The following GMPR variants were observed in gnomAD, a reference collection of about 807,000 sequenced individuals.
GMPR encodes the protein GMP reductase 1.
In GMPR, 31 loss-of-function variants were observed where a neutral mutation model predicts 38.4. The ratio of observed to expected loss-of-function variants is 0.81; its 90% CI spans 0.61 to 1.09. The LOEUF is 1.09. Among genes scored for constraint, GMPR ranks in the 50% least tolerant of loss-of-function variants. The probability of loss-of-function intolerance (pLI) is 0.00; values close to 1 mark genes in which losing one functional copy is unlikely to be tolerated. For missense variants in GMPR, 468 were observed against 453.7 expected, an observed-to-expected ratio of 1.03 and a Z score of -0.29; for synonymous variants, 162 against 173.3, an observed-to-expected ratio of 0.93 and a Z score of 0.51.
intron 7 of GMPR, 112 bp from the exon 8 acceptor site, chr6:16,290,350 A>G (rs1021041253): frequency 7.5e-5 from 69 of 920,080 alleles, no homozygotes; most frequent in Non-Finnish European, 1.1e-4. Flanking sequence ...TCTCTTGACT[A>G]TAGCTGGGCG....
At chr6:16,255,827 G>A (rs1290418421) in intron 4 of GMPR, among the ~76,000 whole-genome samples, 2 of 152,162 alleles carry the variant, frequency 1.3e-5, no homozygotes, top group Admixed American at 6.5e-5. Context: ...AAAGTTGGGA[G>A]GAAGGAATTG....
At chr6:16,282,706 G>T (rs1759596937) in intron 6 of GMPR, among the ~76,000 whole-genome samples, 1 of 152,050 alleles carries the variant, frequency 6.6e-6, no homozygotes, top group Admixed American at 6.6e-5. Flanking sequence ...CTCCATGTTT[G>T]CCATACCATC....
chr6:16,241,442 C>T (rs1213164546), intron 1 of GMPR, among the ~76,000 whole-genome samples: 1 of 152,206 alleles, frequency 6.6e-6, no homozygotes, highest in African/African-American at 2.4e-5. Flanking sequence ...CTGAGGTCAC[C>T]TCTGAGAGGC....
intron 4 of GMPR, among the ~76,000 whole-genome samples, chr6:16,272,166 C>A (rs1332623253): frequency 1.3e-5 from 2 of 152,044 alleles, no homozygotes; most frequent in African/African-American, 4.8e-5. Flanking sequence ...GAGATCATGC[C>A]ACTGCACTCC....
At chr6:16,265,998 ACACT>A (rs779977355) in intron 4 of GMPR, among the ~76,000 whole-genome samples, 14 of 152,150 alleles carry the variant, frequency 9.2e-5, no homozygotes, top group Non-Finnish European at 1.9e-4. Flanking sequence ...AAGAGCTGTA[ACACT>A]CACCGTGAAG....
chr6:16,285,193 G>A (rs1426814863), intron 6 of GMPR, among the ~76,000 whole-genome samples: 1 of 152,226 alleles, frequency 6.6e-6, no homozygotes, highest in Admixed American at 6.5e-5. Flanking sequence ...ACCAGCCCAA[G>A]TGTGGTCTGC....
chr6:16,287,882 A>G (rs1759718993), intron 7 of GMPR, among the ~76,000 whole-genome samples: 1 of 152,230 alleles, frequency 6.6e-6, no homozygotes, highest in South Asian at 2.1e-4. Context: ...TGAAAACCTC[A>G]GAGTGCTCTG....
chr6:16,283,303 C>T (rs949025756), intron 6 of GMPR, among the ~76,000 whole-genome samples: 10 of 152,170 alleles, frequency 6.6e-5, no homozygotes, highest in Non-Finnish European at 5.9e-5. Context: ...TTGTTTTTAA[C>T]AACCTTTCAG....
chr6:16,261,458 A>G (rs886961334), intron 4 of GMPR, among the ~76,000 whole-genome samples: 3 of 151,976 alleles, frequency 2.0e-5, no homozygotes, highest in Non-Finnish European at 2.9e-5. Context: ...GCAAAGGAAT[A>G]GTAAAGAAAG....
chr6:16,262,554 TCA>T (rs1759107050), intron 4 of GMPR: 1 of 152,012 alleles, frequency 6.6e-6, no homozygotes, highest in African/African-American at 2.4e-5. Flanking sequence ...GGGGTTTGTC[TCA>T]CAGTGGAGGC....
intron 2 of GMPR, among the ~76,000 whole-genome samples, chr6:16,248,867 C>T (rs1385526696): frequency 6.6e-6 from 1 of 152,202 alleles, no homozygotes; most frequent in African/African-American, 2.4e-5. Flanking sequence ...AAACCTAGGA[C>T]TCGCTGTGCT....
chr6:16,256,877 T>G (rs1758990766), intron 4 of GMPR, among the ~76,000 whole-genome samples: 1 of 152,244 alleles, frequency 6.6e-6, no homozygotes, highest in Non-Finnish European at 1.5e-5. Context: ...ACAGAGCTTC[T>G]GAATCCCTTG....
chr6:16,247,019 A>T, intron 2 of GMPR, 58 bp downstream of exon 2: 1 of 1,545,864 alleles, frequency 6.5e-7, no homozygotes, highest in Non-Finnish European at 8.8e-7. Context: ...ACAGGTTATC[A>T]GGAGCCGACC....
intron 4 of GMPR, chr6:16,263,332 GT>G (rs1375104762): frequency 6.6e-6 from 1 of 151,944 alleles, no homozygotes; most frequent in African/African-American, 2.4e-5. Context: ...CTACTGTCGA[GT>G]TTGTATTGGG....
At chr6:16,273,157 C>T (rs1759413696) in intron 4 of GMPR, among the ~76,000 whole-genome samples, 1 of 152,136 alleles carries the variant, frequency 6.6e-6, no homozygotes, top group Non-Finnish European at 1.5e-5. Flanking sequence ...AAGCTTTAAG[C>T]CCTCCTCATC....
At chr6:16,266,121 CTG>C (rs1759207504) in intron 4 of GMPR, among the ~76,000 whole-genome samples, 1 of 58,128 alleles carries the variant, frequency 1.7e-5, no homozygotes, top group Non-Finnish European at 2.8e-5. Flanking sequence ...TCTTTAAGAG[CTG>C]TAACACTTGC....
intron 4 of GMPR, among the ~76,000 whole-genome samples, chr6:16,255,117 T>C (rs562018444): frequency 3.9e-5 from 6 of 152,034 alleles, no homozygotes; most frequent in Admixed American, 2.6e-4. Context: ...GTTCAAAAGA[T>C]TCTTGTACCT....
intron 3 of GMPR, 92 bp from the exon 4 acceptor site, chr6:16,254,470 G>A: frequency 9.3e-7 from 1 of 1,078,996 alleles, no homozygotes; most frequent in South Asian, 1.4e-5. Context: ...AAGGGTTGTT[G>A]TACTGTCCCA....
intron 8 of GMPR, among the ~76,000 whole-genome samples, chr6:16,293,968 A>G (rs555991050): frequency 6.6e-6 from 1 of 152,334 alleles, no homozygotes; most frequent in East Asian, 1.9e-4. Flanking sequence ...TGTAATATAC[A>G]CATATTCTGG....
Sources: gnomAD v4.1 joint callset for allele counts (sites outside exome capture counted in the v4.1 genomes callset) on GRCh38, gnomAD v4.1.1 for gene constraint, MANE v1.5 for transcripts, NCBI Gene and HGNC (gene_info 2026-07-23, HGNC 2026-07-21) for gene names.